The following KCNN2 variants were observed in gnomAD, a reference collection of about 807,000 sequenced individuals.
KCNN2 encodes the protein small conductance calcium-activated potassium channel protein 2.
Under a neutral mutation model 55.5 loss-of-function variants are expected in KCNN2, and 24 were observed. The observed-to-expected ratio is 0.43, with a 90% CI of 0.31 to 0.61. KCNN2 has a LOEUF of 0.61. Ranked by LOEUF, KCNN2 falls within the 20% of genes least tolerant of loss-of-function variation. The pLI is 0.08. For missense variants in KCNN2, 754 were observed against 853.6 expected, an observed-to-expected ratio of 0.88 and a Z score of 1.45; for synonymous variants, 431 against 336.1, an observed-to-expected ratio of 1.28 and a Z score of -3.09.
intron 3 of KCNN2, among the ~76,000 whole-genome samples, chr5:114,407,136 C>G (rs1758961083): frequency 6.6e-6 from 1 of 151,838 alleles, no homozygotes; most frequent in East Asian, 1.9e-4. Flanking sequence ...TATTTTAATC[C>G]ATGGTACTGG....
At chr5:114,364,216 G>A (rs1757536452) in intron 2 of KCNN2, among the ~76,000 whole-genome samples, 1 of 152,154 alleles carries the variant, frequency 6.6e-6, no homozygotes, top group African/African-American at 2.4e-5. Context: ...CATTTTCTGA[G>A]GTGTATTTGT....
chr5:114,097,289 C>G (rs1751277936), intron 1 of KCNN2, among the ~76,000 whole-genome samples: 1 of 152,126 alleles, frequency 6.6e-6, no homozygotes, highest in Non-Finnish European at 1.5e-5. Context: ...CAGTCAATTT[C>G]ATTTTGTTCG....
At chr5:114,264,109 T>C (rs906404005) in intron 2 of KCNN2, among the ~76,000 whole-genome samples, 4 of 152,226 alleles carry the variant, frequency 2.6e-5, no homozygotes, top group African/African-American at 7.2e-5. Context: ...TAGCTAAAGA[T>C]GGCTTAATGA....
chr5:114,120,094 G>T (rs1002550360), intron 1 of KCNN2, among the ~76,000 whole-genome samples: 1 of 152,118 alleles, frequency 6.6e-6, no homozygotes, highest in African/African-American at 2.4e-5. Context: ...ATTTATCCAG[G>T]AAGCTCTTGA....
chr5:114,272,264 A>G (rs1251639459), intron 2 of KCNN2, among the ~76,000 whole-genome samples: 1 of 152,118 alleles, frequency 6.6e-6, no homozygotes, highest in Non-Finnish European at 1.5e-5. Context: ...ACACACATAT[A>G]TGTATGTACA....
At chr5:114,408,431 G>A (rs1011721822) in intron 3 of KCNN2, among the ~76,000 whole-genome samples, 2 of 151,954 alleles carry the variant, frequency 1.3e-5, no homozygotes, top group Non-Finnish European at 2.9e-5. Flanking sequence ...ACTTCTCTGC[G>A]TAAATATGCC....
At chr5:114,312,434 CATATATATATATAT>C (rs59964515) in intron 2 of KCNN2, among the ~76,000 whole-genome samples, 26 of 23,410 alleles carry the variant, frequency 1.1e-3, no homozygotes, top group African/African-American at 2.8e-3. Context: ...CACACACACA[CATATATATATATAT>C]ATATATATAT....
intron 1 of KCNN2, among the ~76,000 whole-genome samples, chr5:114,099,259 G>A (rs1027004034): frequency 1.1e-4 from 16 of 152,136 alleles, no homozygotes; most frequent in Admixed American, 4.6e-4. Context: ...GTTTCTCAGC[G>A]TGATTATATA....
intron 1 of KCNN2, among the ~76,000 whole-genome samples, chr5:114,074,482 A>G: frequency 6.6e-6 from 1 of 152,224 alleles, no homozygotes; most frequent in East Asian, 1.9e-4. Flanking sequence ...CACCAAGAAG[A>G]ATGCTCGAAA....
chr5:114,451,642 A>T (rs750210088), intron 3 of KCNN2, among the ~76,000 whole-genome samples: 1 of 152,192 alleles, frequency 6.6e-6, no homozygotes, highest in African/African-American at 2.4e-5. Flanking sequence ...CAAGCCTGTA[A>T]TCCCAGCACT....
At chr5:114,433,877 G>A (rs4705668) in intron 3 of KCNN2, 21,394 of 156,222 alleles carry the variant, frequency 0.14, 1,782 homozygotes, top group Middle Eastern at 0.21. Context: ...GCCAGGGTCC[G>A]GGGCTTCGTT....
chr5:114,272,450 A>ATG (rs1362409739), intron 2 of KCNN2, among the ~76,000 whole-genome samples: 1 of 12,728 alleles, frequency 7.9e-5, no homozygotes, highest in East Asian at 4.4e-3. Context: ...ATACACACAT[A>ATG]TGTATGTACA....
chr5:114,199,145 C>T (rs957694089), intron 1 of KCNN2, among the ~76,000 whole-genome samples: 12 of 152,044 alleles, frequency 7.9e-5, no homozygotes, highest in African/African-American at 2.9e-4. Flanking sequence ...GTTATATTCA[C>T]TTGCTGAATC....
chr5:114,386,010 C>T (rs1343828021), intron 2 of KCNN2, among the ~76,000 whole-genome samples: 2 of 149,672 alleles, frequency 1.3e-5, no homozygotes, highest in African/African-American at 2.5e-5. Context: ...AACCCTGTCT[C>T]TATTAAAAAA....
chr5:114,367,368 T>C (rs964848882), intron 2 of KCNN2, among the ~76,000 whole-genome samples: 1 of 152,240 alleles, frequency 6.6e-6, no homozygotes. Flanking sequence ...GTAATACTTA[T>C]AAAACATCAG....
At chr5:114,410,877 A>G (rs1759109414) in intron 3 of KCNN2, among the ~76,000 whole-genome samples, 1 of 152,196 alleles carries the variant, frequency 6.6e-6, no homozygotes, top group Non-Finnish European at 1.5e-5. Flanking sequence ...ATATGTATTA[A>G]CTAGGTATCA....
At chr5:114,086,570 A>G (rs1170436106) in intron 1 of KCNN2, among the ~76,000 whole-genome samples, 1 of 152,010 alleles carries the variant, frequency 6.6e-6, no homozygotes, top group African/African-American at 2.4e-5. Flanking sequence ...TGCTTAGGAT[A>G]ATGGCCTCTA....
intron 1 of KCNN2, among the ~76,000 whole-genome samples, chr5:114,157,635 G>A (rs1227512809): frequency 4.6e-5 from 7 of 152,250 alleles, no homozygotes; most frequent in East Asian, 3.9e-4. Flanking sequence ...GTATAAAAGC[G>A]TTCCTGTTTC....
intron 2 of KCNN2, among the ~76,000 whole-genome samples, chr5:114,261,519 A>G (rs1245375875): frequency 6.6e-6 from 1 of 152,210 alleles, no homozygotes; most frequent in Non-Finnish European, 1.5e-5. Context: ...AGGGTGTCCA[A>G]AAAGGCAGAG....
Sources: gnomAD v4.1 joint callset for allele counts (sites outside exome capture counted in the v4.1 genomes callset) on GRCh38, gnomAD v4.1.1 for gene constraint, MANE v1.5 for transcripts, NCBI Gene and HGNC (gene_info 2026-07-23, HGNC 2026-07-21) for gene names.